Variants in CDH12 observed in about 807,000 individuals in gnomAD.
CDH12 encodes the protein cadherin 12, also known as cadherin-12.
CDH12 carries 41 observed loss-of-function variants against 74.1 expected under a neutral mutation model. That is an observed-to-expected ratio of 0.55 (90% confidence interval 0.43 to 0.72). The LOEUF (loss-of-function observed/expected upper bound fraction) is 0.72, where lower values mean the gene tolerates loss of function less well. Among genes scored for constraint, CDH12 ranks in the 30% least tolerant of loss-of-function variants. The probability of loss-of-function intolerance (pLI) is 0.00; values close to 1 mark genes in which losing one functional copy is unlikely to be tolerated. For missense variants in CDH12, 945 were observed against 977.2 expected (o/e 0.97, Z 0.44); for synonymous variants, 399 against 355.0 (o/e 1.12, Z -1.39).
At chr5:22,246,276 G>A (rs1482536770) in intron 3 of CDH12, among the ~76,000 whole-genome samples, 1 of 152,084 alleles carries the variant, frequency 6.6e-6, no homozygotes, top group African/African-American at 2.4e-5. Context: ...GGAAGACATA[G>A]TACCAGTCTT....
At chr5:21,994,918 T>G (rs116386140) in intron 5 of CDH12, among the ~76,000 whole-genome samples, 447 of 152,304 alleles carry the variant, frequency 2.9e-3, no homozygotes, top group African/African-American at 0.01. Flanking sequence ...GCTGGCCACC[T>G]GAGCCAGCAA....
intron 8 of CDH12, among the ~76,000 whole-genome samples, chr5:21,818,197 C>T (rs1021123561): frequency 1.3e-5 from 2 of 151,892 alleles, no homozygotes; most frequent in Non-Finnish European, 2.9e-5. Flanking sequence ...GTTTCTCTTA[C>T]CGGATTTAGA....
At chr5:22,143,018 T>C (rs1746902504) in intron 4 of CDH12, 1 of 208,806 alleles carries the variant, frequency 4.8e-6, no homozygotes, top group Non-Finnish European at 1.1e-5. Context: ...TTATGTTAAA[T>C]GTCTGTTTTA....
chr5:22,461,030 CTTTT>C (rs34555692), intron 2 of CDH12, among the ~76,000 whole-genome samples: 1 of 63,560 alleles, frequency 1.6e-5, no homozygotes, highest in Non-Finnish European at 2.8e-5. Context: ...CAATGTCTAG[CTTTT>C]TTTTTTTTTT....
chr5:22,010,961 T>A (rs1211764285), intron 5 of CDH12, among the ~76,000 whole-genome samples: 2 of 152,006 alleles, frequency 1.3e-5, no homozygotes, highest in African/African-American at 4.8e-5. Flanking sequence ...AGTTTCCCTC[T>A]GAGCAAAGGT....
At chr5:22,145,292 G>A (rs1041024016) in intron 4 of CDH12, among the ~76,000 whole-genome samples, 16 of 152,048 alleles carry the variant, frequency 1.1e-4, no homozygotes, top group Admixed American at 3.3e-4. Context: ...ATCAAAGTCC[G>A]TACAGCTGCT....
intron 2 of CDH12, among the ~76,000 whole-genome samples, chr5:22,413,031 A>T (rs906199064): frequency 6.6e-6 from 1 of 151,982 alleles, no homozygotes; most frequent in African/African-American, 2.4e-5. Flanking sequence ...TTTCATTCAC[A>T]ATAACTCTTG....
chr5:22,565,758 G>A (rs1015089679), intron 1 of CDH12, among the ~76,000 whole-genome samples: 5 of 151,660 alleles, frequency 3.3e-5, no homozygotes, highest in African/African-American at 1.2e-4. Flanking sequence ...AAAAAAGGAG[G>A]GTATTTCACA....
chr5:21,901,916 A>G (rs1033122862), intron 6 of CDH12, among the ~76,000 whole-genome samples: 34 of 78,606 alleles, frequency 4.3e-4, no homozygotes, highest in South Asian at 4.2e-3. Flanking sequence ...ACTTTATTGT[A>G]TAACAGATAC....
At position 21,975,315 on chromosome 5, in the gene CDH12, AC is replaced by A; in HGVS notation, c.301del (p.Val101PhefsTer14). 6.3e-7 allele frequency: 1 copy of A among 1,597,194 alleles called. No homozygotes were observed. The highest frequency in any genetic ancestry group is 8.5e-7 in the Non-Finnish European group (1 of 1,179,582). On this transcript the variant is annotated frameshift_variant, in exon 6 of 15. Transcript: ENST00000382254. LOFTEE classifies it high-confidence loss of function. ...CCCTGTGGTTTCATCAATGGTAAAA[AC>A]GGTGCCAGCGCCATCTCCTGAGAGG... ...YTLSGDGAGT[V>X]FTIDETTGDI...
intron 4 of CDH12, among the ~76,000 whole-genome samples, chr5:22,122,454 T>C (rs1429813785): frequency 1.3e-5 from 2 of 152,124 alleles, no homozygotes; most frequent in African/African-American, 4.8e-5. Flanking sequence ...CCTTGGCTTA[T>C]AAGGCCCCAC....
chr5:22,119,587 G>T (rs887604368), intron 4 of CDH12, among the ~76,000 whole-genome samples: 1 of 152,014 alleles, frequency 6.6e-6, no homozygotes, highest in Non-Finnish European at 1.5e-5. Flanking sequence ...ACAGCTCCCC[G>T]CCAATCATCC....
intron 1 of CDH12, among the ~76,000 whole-genome samples, chr5:22,807,396 C>G (rs987365532): frequency 2.0e-5 from 3 of 152,032 alleles, no homozygotes; most frequent in Non-Finnish European, 4.4e-5. Flanking sequence ...ATATCATACC[C>G]AATTAAATCT....
intron 3 of CDH12, among the ~76,000 whole-genome samples, chr5:22,383,983 T>C (rs1008532167): frequency 6.6e-6 from 1 of 152,174 alleles, no homozygotes; most frequent in African/African-American, 2.4e-5. Context: ...GTTATTGTTA[T>C]ACTAGATGTA....
chr5:22,643,733 CTTTTTTTT>C (rs762944279), intron 1 of CDH12, among the ~76,000 whole-genome samples: 6 of 51,202 alleles, frequency 1.2e-4, no homozygotes, highest in Non-Finnish European at 2.1e-4. Flanking sequence ...TTTAAGGTAT[CTTTTTTTT>C]TTTTTTTTTT....
At chr5:22,126,829 A>G (rs1247143907) in intron 4 of CDH12, among the ~76,000 whole-genome samples, 1 of 152,192 alleles carries the variant, frequency 6.6e-6, no homozygotes, top group Non-Finnish European at 1.5e-5. Flanking sequence ...CTAATTACCA[A>G]GATGTTAAGT....
At chr5:22,473,028 C>T (rs1746029772) in intron 2 of CDH12, among the ~76,000 whole-genome samples, 2 of 152,106 alleles carry the variant, frequency 1.3e-5, no homozygotes, top group South Asian at 4.1e-4. Flanking sequence ...CTCAGCTACT[C>T]CTGAAATTTT....
chr5:22,721,152 G>A (rs538957550), intron 1 of CDH12, among the ~76,000 whole-genome samples: 3 of 152,330 alleles, frequency 2.0e-5, no homozygotes, highest in Admixed American at 6.5e-5. Context: ...TCATGAGCCC[G>A]GCCCAGGGCC....
intron 13 of CDH12, among the ~76,000 whole-genome samples, chr5:21,758,437 T>A (rs1744527091): frequency 1.3e-5 from 2 of 152,206 alleles, no homozygotes; most frequent in Non-Finnish European, 2.9e-5. Context: ...CCTCTGATTC[T>A]ATCATCATCA....
Sources: gnomAD v4.1 joint callset for allele counts (sites outside exome capture counted in the v4.1 genomes callset) on GRCh38, gnomAD v4.1.1 for gene constraint, MANE v1.5 for transcripts, NCBI Gene and HGNC (gene_info 2026-07-23, HGNC 2026-07-21) for gene names.